The following EPN3 variants were observed in gnomAD, a reference collection of about 807,000 sequenced individuals.
EPN3 encodes epsin-3.
Under a neutral mutation model 55.5 loss-of-function variants are expected in EPN3, and 56 were observed. The ratio of observed to expected loss-of-function variants is 1.01; its 90% CI spans 0.81 to 1.26. The LOEUF is 1.26. Among genes scored for constraint, EPN3 ranks in the 50% most tolerant of loss-of-function variants. EPN3 has a pLI of 0.00. For missense variants in EPN3, 927 were observed against 853.4 expected (o/e 1.09, Z -1.07); for synonymous variants, 449 against 375.2 (o/e 1.20, Z -2.27).
intron 1 of EPN3, among the ~76,000 whole-genome samples, chr17:50,534,257 C>T (rs2034725971): frequency 6.6e-6 from 1 of 152,226 alleles, no homozygotes; most frequent in South Asian, 2.1e-4. Flanking sequence ...TCCCCCCAGC[C>T]CCTGCAGGGG....
At chr17:50,538,742 T>C (rs1597862121) in intron 3 of EPN3, 142 bp from the exon 4 acceptor site, 1 of 576,696 alleles carries the variant, frequency 1.7e-6, no homozygotes, top group Non-Finnish European at 3.0e-6. Flanking sequence ...ACGCCCACCC[T>C]GCTGACTGAG....
Position 50,536,476 on chromosome 17 carries a change from A to C in EPN3, c.-81A>C, listed in dbSNP as rs3785915. The C allele has an allele frequency of 6.3e-7, 1 of 1,588,626 alleles. No homozygotes were observed. Among genetic ancestry groups the C allele is most frequent in the Non-Finnish European group, 8.5e-7 (1 of 1,174,068 alleles). On this transcript the variant is annotated 5_prime_UTR_variant, in exon 2 of 10. Coordinates refer to ENST00000268933, the MANE Select transcript of EPN3 (RefSeq NM_017957.3). ...CTGCTAACACGGCAGCCCATCCTTC[A>C]AGACTGTGACCTCGCCACAGTGGCC...
At chr17:50,540,743 C>G in intron 6 of EPN3, 50 bp from the exon 7 acceptor site, 2 of 1,531,352 alleles carry the variant, frequency 1.3e-6, no homozygotes, top group Non-Finnish European at 1.8e-6. Flanking sequence ...GGGCCCTGGG[C>G]GAGGGATAAG....
At chr17:50,534,711 C>T (rs1053642595) in intron 1 of EPN3, 1 of 944,256 alleles carries the variant, frequency 1.1e-6, no homozygotes, top group Non-Finnish European at 1.3e-6. Context: ...GTATCTTATT[C>T]TCTGGGCCCC....
Position 50,536,418 on chromosome 17 carries a change from C to A in EPN3, c.-136-3C>A, listed in dbSNP as rs1285936273. ...CCTGAGTTCCTGGCCCTCTCTTCCT[C>A]AGCCCCATGTGGAACCCAAGGATGC... On this transcript the variant is annotated splice_polypyrimidine_tract_variant and splice_region_variant and intron_variant, in intron 1 of 9. Transcript: ENST00000268933. The A allele has an allele frequency of 6.7e-7, 1 of 1,499,058 alleles. No homozygotes were observed. Among genetic ancestry groups the A allele is most frequent in the Non-Finnish European group, 8.8e-7 (1 of 1,134,378 alleles). The allele number at this position is 1,499,058 out of a possible 1,614,324, so 92.9% of individuals were successfully genotyped here. A position where few individuals can be genotyped will look rare whatever the true frequency, so the allele number is the denominator to read the frequency against.
At chr17:50,538,489 A>G (rs1303605421) in intron 3 of EPN3, 3 of 486,048 alleles carry the variant, frequency 6.2e-6, no homozygotes, top group Admixed American at 3.7e-5. Context: ...GTGCTCAGAC[A>G]TATTCCTAGG....
rs2034845041 is a variant in EPN3 at position 50,541,246 on chromosome 17, G to A, written c.1267G>A (p.Asp423Asn). 6.2e-7 allele frequency: 1 copy of A among 1,613,476 alleles called. No individual in the cohort carries two copies. The highest frequency in any genetic ancestry group is 1.3e-5 in the African/African-American group (1 of 74,884). The change falls in exon 8 of 10, where the codon GAC (aspartate) becomes AAC (asparagine). Residue 423 changes from aspartate to asparagine, a missense_variant. Asp to Asn is a conservative substitution (Grantham distance 23, BLOSUM62 1). Transcript: ENST00000268933. ...CTTCCGAGGTGGTGCCTCGACCTTT[G>A]ACCCATTTGCCAAACCTCCAGAATC... Reference protein sequence around the residue: ...SDTPGGASTFDPFAKPPESTE... With the variant: ...SDTPGGASTFNPFAKPPESTE...
At chr17:50,533,392 C>G (rs1056708815) in intron 1 of EPN3, among the ~76,000 whole-genome samples, 7 of 152,154 alleles carry the variant, frequency 4.6e-5, no homozygotes, top group Non-Finnish European at 8.8e-5. Context: ...AAGCTCACCC[C>G]CTGTCCCTTA....
intron 9 of EPN3, 25 bp downstream of exon 9, chr17:50,541,719 C>T (rs774981006): frequency 6.2e-7 from 1 of 1,609,908 alleles, no homozygotes; most frequent in South Asian, 1.1e-5. Flanking sequence ...TGTCCCTCAA[C>T]CCAGGGGCTC....
At chr17:50,534,334 C>G in intron 1 of EPN3, 1 of 857,174 alleles carries the variant, frequency 1.2e-6, no homozygotes, top group Non-Finnish European at 1.4e-6. Flanking sequence ...CACCGAGAGT[C>G]CCCTCCCAGA....
Position 50,542,337 on chromosome 17 carries a change from C to T in EPN3, c.*180C>T, listed in dbSNP as rs2034862640. 3 of 591,946 alleles carry T rather than the reference C, an allele frequency of 5.1e-6. No homozygotes were observed. Among genetic ancestry groups the T allele is most frequent in the Non-Finnish European group, 5.3e-6 (2 of 379,234 alleles). The allele number at this position is 591,946 out of a possible 1,614,324, so 36.7% of individuals were successfully genotyped here. On this transcript the variant is annotated 3_prime_UTR_variant, in exon 10 of 10. Coordinates refer to ENST00000268933, the MANE Select transcript of EPN3 (RefSeq NM_017957.3). ...GGCCCGGGAGCTAGAAACTGAACGC[C>T]CGCATAATAAAGACTGGAACCCTCG...
chr17:50,532,739 T>C lies in EPN3; in HGVS notation c.-383T>C, dbSNP rs2034687590. Reference sequence around the variant, plus strand: ...GCCAGCTGAGCAACTTTCCTCGGAGTGCTGCCTGGCGCTGGCTAGGAGGCA... The same window carrying C: ...GCCAGCTGAGCAACTTTCCTCGGAGCGCTGCCTGGCGCTGGCTAGGAGGCA... On this transcript the variant is annotated 5_prime_UTR_variant, in exon 1 of 10. Transcript: ENST00000268933. 2 of 457,444 alleles carry C rather than the reference T, an allele frequency of 4.4e-6. No homozygotes were observed. Among genetic ancestry groups the C allele is most frequent in the Non-Finnish European group, 3.7e-6 (1 of 267,420 alleles). The allele number at this position is 457,444 out of a possible 1,614,324, so 28.3% of individuals were successfully genotyped here.
chr17:50,538,141 G>C lies in EPN3; in HGVS notation c.625G>C (p.Glu209Gln). Residue 209 changes from glutamate to glutamine, a missense_variant, in exon 3 of 10, where the codon GAA becomes CAA. Glu to Gln is a conservative substitution (Grantham distance 29). Transcript: ENST00000268933. Reference protein sequence around the residue: ...LEQARPQTSGEEELQLQLALA... With the variant: ...LEQARPQTSGQEELQLQLALA... The stretch of plus-strand genomic sequence containing the variant: ...GCAGGCCCGGCCTCAGACGTCAGGG[G>C]AAGAGGAACTGCAGCTGCAGCTGGC... The C allele has an allele frequency of 6.2e-7, 1 of 1,613,850 alleles. No homozygotes were observed. The highest frequency in any genetic ancestry group is 8.5e-7 in the Non-Finnish European group (1 of 1,180,016).
rs1229874825 is a variant in EPN3 at position 50,538,100 on chromosome 17, A to C, written c.584A>C (p.Tyr195Ser). ...SYNSSSSSPRYTSDLEQARPQ... is the reference protein window; with the variant it reads ...SYNSSSSSPRSTSDLEQARPQ... ...GCAGCCTCCTCTTCGTCACCCCGCT[A>C]TACCTCCGACCTGGAGCAGGCCCGG... The change falls in exon 3 of 10, where the codon TAT becomes TCT. Residue 195 changes from tyrosine (Y) to serine (S), a missense_variant. Coordinates refer to ENST00000268933, the MANE Select transcript of EPN3 (RefSeq NM_017957.3). 6.2e-7 allele frequency: 1 copy of C among 1,614,028 alleles called. No homozygotes were observed. The highest frequency in any genetic ancestry group is 8.5e-7 in the Non-Finnish European group (1 of 1,179,974).
chr17:50,541,645 G>A lies in EPN3; in HGVS notation c.1536G>A (p.Ser512=). The A allele has an allele frequency of 6.2e-7, 1 of 1,614,114 alleles. No individual in the cohort carries two copies. The highest frequency in any genetic ancestry group is 8.5e-7 in the Non-Finnish European group (1 of 1,180,014). ...PSASSLVNLD[S]LVKAPQVAKT... ...CTTCCTCCTTGGTCAACCTTGACTC[G>A]TTGGTCAAGGCACCCCAGGTTGCAA... Residue 512 remains serine, a synonymous_variant, in exon 9 of 10, where the codon TCG becomes TCA. Coordinates refer to ENST00000268933, the MANE Select transcript of EPN3 (RefSeq NM_017957.3).
Position 50,541,272 on chromosome 17 carries a change from C to T in EPN3, c.1293C>T (p.Ser431=), listed in dbSNP as rs1230025491. ...TFDPFAKPPE[S]TETKEGLEQA... is the part of the protein sequence containing the mutation. ...ACCCATTTGCCAAACCTCCAGAATC[C>T]ACAGAGACCAAGGAGGGGCTGGAGC... The change falls in exon 8 of 10, where the codon TCC becomes TCT. Residue 431 remains serine (S), a synonymous_variant. Coordinates refer to ENST00000268933, the MANE Select transcript of EPN3 (RefSeq NM_017957.3). The T allele has an allele frequency of 1.9e-6, 3 of 1,613,526 alleles. No individual in the cohort carries two copies. The highest frequency in any genetic ancestry group is 2.7e-5 in the African/African-American group (2 of 74,916).
chr17:50,540,336 T>C lies in EPN3; in HGVS notation c.979+2T>C. ...CTGCTGACCCATGGGACATCCCAGG[T>C]GGGCATGCAGGGCTGCAAGAGACTT... On this transcript the variant is annotated splice_donor_variant, in intron 6 of 9. Transcript: ENST00000268933. LOFTEE classifies it high-confidence loss of function. 1 of 1,609,406 alleles carries C rather than the reference T, an allele frequency of 6.2e-7. No homozygotes were observed. Among genetic ancestry groups the C allele is most frequent in the Non-Finnish European group, 8.5e-7 (1 of 1,179,276 alleles).
chr17:50,540,974 C>T lies in EPN3; in HGVS notation c.1161C>T (p.Asp387=). The T allele has an allele frequency of 6.2e-7, 1 of 1,612,280 alleles. No individual in the cohort carries two copies. Among genetic ancestry groups the T allele is most frequent in the Non-Finnish European group, 8.5e-7 (1 of 1,179,588 alleles). Residue 387 remains aspartate (D), a synonymous_variant, in exon 7 of 10, where the codon GAC becomes GAT. Coordinates refer to ENST00000268933, the MANE Select transcript of EPN3 (RefSeq NM_017957.3). ...TGCCTGCTGGGCCCCCCACCACAGA[C>T]CCCTGGGCCCTGAACTCTCCCCACC... ...PVLPAGPPTT[D]PWALNSPHHK...
At position 50,542,512 on chromosome 17, in the gene EPN3, C is replaced by T; in HGVS notation, c.*355C>T. The T allele has an allele frequency of 4.1e-6, 1 of 242,226 alleles. No homozygotes were observed. 15.0% of individuals were successfully genotyped at this position (242,226 alleles called of 1,614,324 possible). Reference sequence around the variant, plus strand: ...CTTTACAGCTCTTCTCAACCCTCACCTCCATCCCCCGTCACCCAGGCACCT... The same window carrying T: ...CTTTACAGCTCTTCTCAACCCTCACTTCCATCCCCCGTCACCCAGGCACCT... On this transcript the variant is annotated 3_prime_UTR_variant, in exon 10 of 10. Transcript: ENST00000268933.
Sources: gnomAD v4.1 joint callset for allele counts (sites outside exome capture counted in the v4.1 genomes callset) on GRCh38, gnomAD v4.1.1 for gene constraint, MANE v1.5 for transcripts, NCBI Gene and HGNC (gene_info 2026-07-23, HGNC 2026-07-21) for gene names.